The following SLC7A5 variants were observed in gnomAD, a reference collection of about 807,000 sequenced individuals.
The protein encoded by SLC7A5 is solute carrier family 7 member 5.
SLC7A5 carries 23 observed loss-of-function variants against 50.2 expected under a neutral mutation model. The observed-to-expected ratio is 0.46, with a 90% CI of 0.33 to 0.65. The LOEUF is 0.65. Among genes scored for constraint, SLC7A5 ranks in the 30% least tolerant of loss-of-function variants. The probability of loss-of-function intolerance (pLI) is 0.02; values close to 1 mark genes in which losing one functional copy is unlikely to be tolerated. For missense variants in SLC7A5, 578 were observed against 684.4 expected, an observed-to-expected ratio of 0.84 and a Z score of 1.73; for synonymous variants, 393 against 330.6, an observed-to-expected ratio of 1.19 and a Z score of -2.05.
At position 87,845,693 on chromosome 16, in the gene SLC7A5, C is replaced by CT. The variant is rs1224839937; in HGVS notation, c.665-4539dup. Among the ~76,000 whole-genome samples the CT allele has an allele frequency of 4.6e-5, 7 of 152,358 alleles. No homozygotes were observed. The East Asian group carries it at 1.3e-3, about 29-fold the overall frequency. ...GGCACTTTTGGACCACCAGCAGTGT[C>CT]TGTCGGTCTTGGAAACTCATGAAGG... is the stretch of plus-strand genomic sequence containing the variant. On this transcript the variant is annotated intron_variant, in intron 2 of 9. Transcript: ENST00000261622.
intron 1 of SLC7A5, among the ~76,000 whole-genome samples, chr16:87,854,871 G>C (rs1597510338): frequency 6.6e-6 from 1 of 152,306 alleles, no homozygotes; most frequent in South Asian, 2.1e-4. Context: ...CAGTGCATTG[G>C]AGGAACCCCT....
rs1419661690 is a variant in SLC7A5, at chr16:87,869,391, A to G, written c.32T>C (p.Leu11Pro). ...CTTCTCCTCGGCCGCCGGCGCCGCTAGCGCGCGCCGCTTCGGGCCCGCACC... is the reference window on the plus strand; with the variant it reads ...CTTCTCCTCGGCCGCCGGCGCCGCTGGCGCGCGCCGCTTCGGGCCCGCACC... MAGAGPKRRA[L>P]AAPAAEEKEE... is the part of the protein sequence containing the mutation. The change falls in exon 1 of 10, where the codon CTA (leucine) becomes CCA (proline). Residue 11 changes from leucine (L) to proline (P), a missense_variant. This residue lies in a region of SLC7A5 where 113 missense variants were observed against 89.8 expected (regional missense o/e 1.26). Transcript: ENST00000261622. 1.9e-6 allele frequency: 3 copies of G among 1,566,230 alleles called. No individual in the cohort carries two copies. The highest frequency in any genetic ancestry group is 2.6e-6 in the Non-Finnish European group (3 of 1,162,160).
At chr16:87,864,526 G>T (rs571595703) in intron 1 of SLC7A5, among the ~76,000 whole-genome samples, 21 of 152,264 alleles carry the variant, frequency 1.4e-4, no homozygotes, top group Admixed American at 1.3e-3. Context: ...CCGAGCTGAA[G>T]TCAGAATGAC....
intron 5 of SLC7A5, among the ~76,000 whole-genome samples, chr16:87,839,418 T>G (rs2055055588): frequency 6.6e-6 from 1 of 152,244 alleles, no homozygotes; most frequent in Non-Finnish European, 1.5e-5. Flanking sequence ...CCAGGCATTC[T>G]GGCTTATAGC....
chr16:87,841,755 C>T lies in SLC7A5; in HGVS notation c.665-600G>A, dbSNP rs780219005. On this transcript the variant is annotated intron_variant, in intron 2 of 9. Coordinates refer to ENST00000261622, the MANE Select transcript of SLC7A5 (RefSeq NM_003486.7). This position sits in a 1 kb window ranked among gnomAD's most constrained non-coding sequence, Gnocchi z 4.8. ...GGCTGCCAGGGCCGAGAACGATCCC[C>T]GTGCTGTGTGCAGAGCTCTCTCCTT... 6.6e-6 allele frequency among the ~76,000 whole-genome samples: 1 copy of T among 152,222 alleles called. No individual in the cohort carries two copies. The highest frequency in any genetic ancestry group is 2.4e-5 in the African/African-American group (1 of 41,450).
rs199861158 is a variant in SLC7A5 at position 87,832,681 on chromosome 16, A to AT, written c.*288_*289insA. On this transcript the variant is annotated 3_prime_UTR_variant, in exon 10 of 10. Coordinates refer to ENST00000261622, the MANE Select transcript of SLC7A5 (RefSeq NM_003486.7). This position sits in a 1 kb window ranked among gnomAD's most constrained non-coding sequence, Gnocchi z 4.6. ...TGACCCAAAATTTAAGTTTAAAAAAAATATATATATAAGTAAACAAAGGAG... is the reference window on the plus strand; with the variant it reads ...TGACCCAAAATTTAAGTTTAAAAAAATATATATATATAAGTAAACAAAGGAG... The AT allele has an allele frequency of 7.4e-4, 135 of 181,224 alleles. No homozygotes were observed. Among genetic ancestry groups the AT allele is most frequent in the African/African-American group, 2.9e-3 (122 of 42,128 alleles). 11.2% of individuals were successfully genotyped at this position (181,224 alleles called of 1,614,324 possible).
chr16:87,841,124 T>C lies in SLC7A5; in HGVS notation c.696A>G (p.Ser232=), dbSNP rs1275629946. Residue 232 remains serine (S), a synonymous_variant, in exon 3 of 10, where the codon TCA becomes TCG. Transcript: ENST00000261622. This position sits in a 1 kb window ranked among gnomAD's most constrained non-coding sequence, Gnocchi z 4.8. ...CCACATCCAGTTTGGTGCCTTCAAA[T>C]GAGAAGTTGGGATCTAGATTGGACA... ...GDVSNLDPNF[S]FEGTKLDVGN... The C allele has an allele frequency of 7.4e-6, 12 of 1,613,754 alleles. No homozygotes were observed. The highest frequency in any genetic ancestry group is 1.0e-5 in the Non-Finnish European group (12 of 1,179,808).
Position 87,857,519 on chromosome 16 carries a change from G to A in SLC7A5, c.539-5670C>T, listed in dbSNP as rs574729872. ...GCTGGTCTCGAACTCCTGACCTCAG[G>A]CGATCCGCCCACCTTGGCCTCCCAA... On this transcript the variant is annotated intron_variant, in intron 1 of 9. Transcript: ENST00000261622. Among the ~76,000 whole-genome samples the A allele has an allele frequency of 2.0e-5, 3 of 152,344 alleles. No homozygotes were observed. The South Asian group carries it at 6.2e-4, about 32-fold the overall frequency.
intron 2 of SLC7A5, among the ~76,000 whole-genome samples, chr16:87,844,466 C>G: frequency 6.6e-6 from 1 of 151,906 alleles, no homozygotes. Flanking sequence ...GGGGAGACTC[C>G]GCCGGTGGCT....
Position 87,834,565 on chromosome 16 carries a change from G to A in SLC7A5, c.1317C>T (p.Phe439=). Residue 439 remains phenylalanine, a synonymous_variant, in exon 9 of 10, where the codon TTC becomes TTT. Transcript: ENST00000261622. Reference sequence around the variant, plus strand: ...CGATCAGGAAGAGGCAGGCCAGGATGAAGAACACAGGCAGGGCCAGGTTCA... The same window carrying A: ...CGATCAGGAAGAGGCAGGCCAGGATAAAGAACACAGGCAGGGCCAGGTTCA... ...IKVNLALPVF[F]ILACLFLIAV... is the part of the protein sequence containing the mutation. 1 of 1,596,892 alleles carries A rather than the reference G, an allele frequency of 6.3e-7. No individual in the cohort carries two copies. Among genetic ancestry groups the A allele is most frequent in the Middle Eastern group, 1.7e-4 (1 of 6,034 alleles).
Position 87,853,938 on chromosome 16 carries a change from T to G in SLC7A5, c.539-2089A>C, listed in dbSNP as rs2143796114. ...TGCGGCTGTCACGTCTGCTAGGGGGTTGGGGGGTCCAGGAAGGGCAGCGAG... is the reference window on the plus strand; with the variant it reads ...TGCGGCTGTCACGTCTGCTAGGGGGGTGGGGGGTCCAGGAAGGGCAGCGAG... On this transcript the variant is annotated intron_variant, in intron 1 of 9. Transcript: ENST00000261622. The surrounding 1 kb of genome is among the most constrained non-coding windows in gnomAD (Gnocchi z 4.4). 1 of 149,750 alleles carries G rather than the reference T, an allele frequency of 6.7e-6. No individual in the cohort carries two copies. The highest frequency in any genetic ancestry group is 2.6e-5 in the African/African-American group (1 of 39,174). 9.3% of individuals were successfully genotyped at this position (149,750 alleles called of 1,614,324 possible).
chr16:87,847,052 G>C (rs547876134), intron 2 of SLC7A5, among the ~76,000 whole-genome samples: 1 of 152,326 alleles, frequency 6.6e-6, no homozygotes, highest in South Asian at 2.1e-4. Flanking sequence ...CCACAGTCCT[G>C]ATCTGGGGTT....
intron 1 of SLC7A5, among the ~76,000 whole-genome samples, chr16:87,859,956 T>C (rs1284121908): frequency 6.6e-6 from 1 of 150,970 alleles, no homozygotes; most frequent in South Asian, 2.1e-4. Context: ...AATATTCGTC[T>C]CCACAACCTC....
chr16:87,835,725 C>T (rs1265243066), intron 8 of SLC7A5, among the ~76,000 whole-genome samples: 10 of 152,144 alleles, frequency 6.6e-5, no homozygotes, highest in Non-Finnish European at 1.5e-5. Flanking sequence ...CTGCCCGCCT[C>T]GGCCTCCCAA....
At chr16:87,866,872 A>G (rs754913995) in intron 1 of SLC7A5, among the ~76,000 whole-genome samples, 72 of 152,196 alleles carry the variant, frequency 4.7e-4, no homozygotes, top group South Asian at 1.7e-3. Context: ...CTGGTGGCCA[A>G]TGAAGCATTT....
chr16:87,864,965 C>A lies in SLC7A5; in HGVS notation c.538+3920G>T, dbSNP rs536194705. 5.8e-4 allele frequency among the ~76,000 whole-genome samples: 89 copies of A among 152,326 alleles called. 1 individual carries two copies. The highest frequency in any genetic ancestry group is 2.1e-3 in the African/African-American group (88 of 41,566). ...GGGATCAGGCCGCCTTCAGCCAGAG[C>A]TAATTACCGAAGTTATGCCAACTTC... is the stretch of plus-strand genomic sequence containing the variant. On this transcript the variant is annotated intron_variant, in intron 1 of 9. Transcript: ENST00000261622.
chr16:87,837,836 C>T lies in SLC7A5; in HGVS notation c.1140+9G>A. ...GGATGTAGGGCACAGGGCCGTGCAGCAGGCTTACCGTGAACACGAGGGACG... is the reference window on the plus strand; with the variant it reads ...GGATGTAGGGCACAGGGCCGTGCAGTAGGCTTACCGTGAACACGAGGGACG... On this transcript the variant is annotated intron_variant, in intron 7 of 9. Coordinates refer to ENST00000261622, the MANE Select transcript of SLC7A5 (RefSeq NM_003486.7). 6.3e-7 allele frequency: 1 copy of T among 1,598,356 alleles called. No homozygotes were observed. The highest frequency in any genetic ancestry group is 8.5e-7 in the Non-Finnish European group (1 of 1,173,784).
chr16:87,832,934 T>C lies in SLC7A5; in HGVS notation c.*36A>G, dbSNP rs775549603. 8 of 1,583,654 alleles carry C rather than the reference T, an allele frequency of 5.1e-6. No homozygotes were observed. Among genetic ancestry groups the C allele is most frequent in the Admixed American group, 1.7e-5 (1 of 59,948 alleles). ...GAGGTGATCTACTTTAACTGGCCTC[T>C]GCGCATGCTCCTCCGGCAGCCACTC... On this transcript the variant is annotated 3_prime_UTR_variant, in exon 10 of 10. Transcript: ENST00000261622. The surrounding 1 kb of genome is among the most constrained non-coding windows in gnomAD (Gnocchi z 4.6).
In SLC7A5 at chr16:87,834,689, C is replaced by T. The variant is rs537778036; in HGVS notation, c.1291-98G>A. The T allele has an allele frequency of 1.8e-4, 231 of 1,257,950 alleles. 3 individuals are homozygous for T. In the South Asian group the frequency reaches 2.1e-3, roughly 11 times the overall value. 77.9% of individuals were successfully genotyped at this position (1,257,950 alleles called of 1,614,324 possible). A position where few individuals can be genotyped will look rare whatever the true frequency, so the allele number is the denominator to read the frequency against. On this transcript the variant is annotated intron_variant, in intron 8 of 9. Coordinates refer to ENST00000261622, the MANE Select transcript of SLC7A5 (RefSeq NM_003486.7). ...AGCCCTCCTGGGCCCTCCACACCCA[C>T]GGCTGCTGACTTCCAGGTCACCAAG...
Sources: allele counts gnomAD v4.1 joint callset (sites outside exome capture counted in the v4.1 genomes callset), GRCh38; gene constraint gnomAD v4.1.1; regional missense constraint gnomAD v4.1.1; non-coding constraint Gnocchi (gnomAD v3.1); transcripts MANE v1.5; gene names NCBI Gene and HGNC (gene_info 2026-07-23, HGNC 2026-07-21).